Variants in THRB observed in about 807,000 individuals in gnomAD.
The protein encoded by THRB is thyroid hormone receptor beta, also known as nuclear receptor subfamily 1 group A member 2.
In THRB, 12 loss-of-function variants were observed where a neutral mutation model predicts 47.8. The ratio of observed to expected loss-of-function variants is 0.25; its 90% confidence interval spans 0.16 to 0.41. The LOEUF is 0.41. Among genes scored for constraint, THRB ranks in the 10% least tolerant of loss-of-function variants. The probability of loss-of-function intolerance (pLI) is 1.00; values close to 1 mark genes in which losing one functional copy is unlikely to be tolerated. For missense variants in THRB, 348 were observed against 589.2 expected (o/e 0.59, Z 4.24); for synonymous variants, 218 against 212.2 (o/e 1.03, Z -0.24).
At chr3:24,490,390 T>C (rs979800309) in intron 1 of THRB, among the ~76,000 whole-genome samples, 9 of 152,100 alleles carry the variant, frequency 5.9e-5, no homozygotes, top group African/African-American at 1.9e-4. Context: ...CAAATCCAAG[T>C]CCAAATATGA....
At chr3:24,428,887 CAAA>C (rs61288447) in intron 1 of THRB, among the ~76,000 whole-genome samples, 413 of 145,730 alleles carry the variant, frequency 2.8e-3, no homozygotes, top group East Asian at 0.016. Context: ...GAAGGTAAGC[CAAA>C]AAAAAAAAAA....
intron 3 of THRB, among the ~76,000 whole-genome samples, chr3:24,241,650 C>A (rs917426669): frequency 6.6e-6 from 1 of 152,172 alleles, no homozygotes; most frequent in Admixed American, 6.5e-5. Context: ...TGCTATTGCA[C>A]CAACAAACCA....
At chr3:24,243,224 G>A (rs2049751157) in intron 3 of THRB, among the ~76,000 whole-genome samples, 1 of 152,042 alleles carries the variant, frequency 6.6e-6, no homozygotes. Flanking sequence ...CCCTAAAGTA[G>A]CCTCTGAAGT....
At chr3:24,385,438 C>CAT (rs1460383541) in intron 1 of THRB, among the ~76,000 whole-genome samples, 1 of 151,966 alleles carries the variant, frequency 6.6e-6, no homozygotes, top group African/African-American at 2.4e-5. Flanking sequence ...CACACACACA[C>CAT]GCACGGCATT....
chr3:24,407,242 T>C (rs2067898633), intron 1 of THRB, among the ~76,000 whole-genome samples: 1 of 151,816 alleles, frequency 6.6e-6, no homozygotes. Flanking sequence ...AATACGACCC[T>C]TTGCTGATTC....
Position 24,190,279 on chromosome 3 carries a change from G to T in THRB, c.78C>A (p.Asp26Glu). Residue 26 changes from aspartate to glutamate, a missense_variant, in exon 5 of 11, where the codon GAC becomes GAA. Transcript: ENST00000646209. ...CTTCAGACATTCCTACTAGCTTCCA[G>T]TCGTGTTCTCGGTCTGGACAGTGCT... The part of the protein sequence containing the change: ...KPKHCPDREH[D>E]WKLVGMSEAC... 1 of 1,614,090 alleles carries T rather than the reference G, an allele frequency of 6.2e-7. No individual in the cohort carries two copies. Among genetic ancestry groups the T allele is most frequent in the Middle Eastern group, 1.7e-4 (1 of 6,060 alleles).
chr3:24,377,578 G>A (rs1315862778), intron 1 of THRB, among the ~76,000 whole-genome samples: 1 of 152,100 alleles, frequency 6.6e-6, no homozygotes, highest in Non-Finnish European at 1.5e-5. Flanking sequence ...ACCTGATATG[G>A]TGAAATTCAG....
intron 1 of THRB, among the ~76,000 whole-genome samples, chr3:24,377,875 C>CA (rs2065410932): frequency 6.6e-6 from 1 of 151,996 alleles, no homozygotes; most frequent in African/African-American, 2.4e-5. Context: ...CCACAGTCAG[C>CA]TAGATAACAG....
In THRB at chr3:24,119,194, A is replaced by T. The variant is rs2031201374; in HGVS notation, c.*3690T>A. 6.6e-6 allele frequency: 1 copy of T among 152,518 alleles called. No homozygotes were observed. 9.4% of individuals were successfully genotyped at this position (152,518 alleles called of 1,614,324 possible). On this transcript the variant is annotated 3_prime_UTR_variant, in exon 11 of 11. Coordinates refer to ENST00000646209, the MANE Select transcript of THRB (RefSeq NM_001354712.2). ...AAAGAAACACTATGCTAATATTTCC[A>T]TATTATTAAAATAACAGGAAAAATT...
At chr3:24,184,572 G>T (rs191579719) in intron 5 of THRB, among the ~76,000 whole-genome samples, 35 of 152,106 alleles carry the variant, frequency 2.3e-4, no homozygotes, top group Admixed American at 1.2e-3. Context: ...TCTCCCCCTT[G>T]GCTTTCTATT....
intron 1 of THRB, among the ~76,000 whole-genome samples, chr3:24,389,327 G>C (rs2149948275): frequency 6.6e-6 from 1 of 152,272 alleles, no homozygotes; most frequent in Admixed American, 6.5e-5. Context: ...TTAAGTAATT[G>C]CTGTCCTTGG....
In THRB at chr3:24,423,446, A is replaced by C. The variant is rs554045072; in HGVS notation, c.-261+71206T>G. On this transcript the variant is annotated intron_variant, in intron 1 of 10. Coordinates refer to ENST00000646209, the MANE Select transcript of THRB (RefSeq NM_001354712.2). The stretch of plus-strand genomic sequence containing the variant: ...ATTTTTTTTTTTTAAAGTGGAAAGC[A>C]CAACTATTATTTCCATAGACAAGTA... Among the ~76,000 whole-genome samples, 60 of 151,864 alleles carry C rather than the reference A, an allele frequency of 4.0e-4. 1 individual carries two copies. The highest frequency in any genetic ancestry group is 3.9e-3 in the Admixed American group (59 of 15,238).
In THRB at chr3:24,152,450, T is replaced by G. The variant is rs1488900129; in HGVS notation, c.324A>C (p.Val108=). 6.2e-7 allele frequency: 1 copy of G among 1,611,578 alleles called. No homozygotes were observed. The highest frequency in any genetic ancestry group is 8.5e-7 in the Non-Finnish European group (1 of 1,177,876). ...PSYLDKDELC[V]VCGDKATGYH... is the part of the protein sequence containing the mutation. ...ACCCGGTGGCTTTGTCACCACACAC[T>G]ACACAGAGCTCGTCCTTGTCTAAGT... is the stretch of plus-strand genomic sequence containing the variant. The change falls in exon 6 of 11, where the codon GTA becomes GTC. Residue 108 remains valine (V), a synonymous_variant. Transcript: ENST00000646209.
At chr3:24,486,559 C>T (rs549598720) in intron 1 of THRB, 1 of 152,292 alleles carries the variant, frequency 6.6e-6, no homozygotes, top group South Asian at 2.1e-4. Context: ...AATGCATGTG[C>T]ACCACATTCT....
intron 4 of THRB, among the ~76,000 whole-genome samples, chr3:24,194,334 A>T (rs1365056566): frequency 9.7e-6 from 1 of 102,738 alleles, no homozygotes; most frequent in Non-Finnish European, 1.9e-5. Context: ...CAATGCACAC[A>T]GTAGTAGAAG....
At chr3:24,138,663 C>G (rs1414312176) in intron 8 of THRB, among the ~76,000 whole-genome samples, 1 of 152,146 alleles carries the variant, frequency 6.6e-6, no homozygotes, top group African/African-American at 2.4e-5. Flanking sequence ...ATTCTAATAA[C>G]TTGGGGTGAT....
intron 4 of THRB, among the ~76,000 whole-genome samples, chr3:24,221,291 C>T (rs770020486): frequency 1.3e-5 from 2 of 152,116 alleles, no homozygotes; most frequent in Non-Finnish European, 2.9e-5. Context: ...GGATTTGCAC[C>T]TATATATGTG....
chr3:24,403,865 A>G (rs966186143), intron 1 of THRB, among the ~76,000 whole-genome samples: 1 of 151,972 alleles, frequency 6.6e-6, no homozygotes, highest in Non-Finnish European at 1.5e-5. Context: ...TTCTTCATAT[A>G]ACATAATTTA....
At chr3:24,278,036 A>C (rs550700554) in intron 3 of THRB, among the ~76,000 whole-genome samples, 3 of 152,318 alleles carry the variant, frequency 2.0e-5, no homozygotes, top group Non-Finnish European at 4.4e-5. Context: ...CTGTTCTTCT[A>C]ATCTGATGAA....
Sources: gnomAD v4.1 joint callset for allele counts (sites outside exome capture counted in the v4.1 genomes callset) on GRCh38, gnomAD v4.1.1 for gene constraint, MANE v1.5 for transcripts, NCBI Gene and HGNC (gene_info 2026-07-23, HGNC 2026-07-21) for gene names.